The following PPFIA2 variants were observed in gnomAD, a reference collection of about 807,000 sequenced individuals.
PPFIA2 encodes the protein PPFI scaffold protein A2, also known as liprin-alpha-2.
PPFIA2 carries 46 observed loss-of-function variants against 175.5 expected under a neutral mutation model. The observed-to-expected ratio is 0.26, with a 90% confidence interval of 0.21 to 0.34. The LOEUF (loss-of-function observed/expected upper bound fraction) is 0.34. Among genes scored for constraint, PPFIA2 ranks in the 10% least tolerant of loss-of-function variants. The pLI is 1.00. For missense variants in PPFIA2, 1,179 were observed against 1,506.1 expected, an observed-to-expected ratio of 0.78 and a Z score of 3.60; for synonymous variants, 568 against 511.4, an observed-to-expected ratio of 1.11 and a Z score of -1.49.
intron 4 of PPFIA2, among the ~76,000 whole-genome samples, chr12:81,554,899 C>T (rs776927931): frequency 1.3e-5 from 2 of 152,014 alleles, no homozygotes; most frequent in African/African-American, 2.4e-5. Flanking sequence ...TCATTTCAAA[C>T]TCTCAGTAAC....
At chr12:81,711,803 G>A (rs2077965628) in intron 3 of PPFIA2, among the ~76,000 whole-genome samples, 1 of 149,090 alleles carries the variant, frequency 6.7e-6, no homozygotes. Flanking sequence ...TTAATTAGGA[G>A]GAATATTTCC....
chr12:81,447,332 G>GT (rs887869245), intron 5 of PPFIA2, among the ~76,000 whole-genome samples: 10 of 152,088 alleles, frequency 6.6e-5, no homozygotes, highest in Non-Finnish European at 1.5e-4. Flanking sequence ...AATAATGTCT[G>GT]TTTTTCCAGT....
intron 7 of PPFIA2, among the ~76,000 whole-genome samples, chr12:81,431,935 C>A (rs73157847): frequency 2.6e-3 from 392 of 152,264 alleles, no homozygotes; most frequent in Non-Finnish European, 4.0e-3. Context: ...TTCTCCAAGT[C>A]CATCTGGTGA....
At chr12:81,512,521 A>T (rs2061927095) in intron 4 of PPFIA2, 1 of 394,016 alleles carries the variant, frequency 2.5e-6, no homozygotes, top group Non-Finnish European at 4.4e-6. Context: ...AAAAATGTTT[A>T]ATTTCTAAAC....
intron 3 of PPFIA2, among the ~76,000 whole-genome samples, chr12:81,743,465 GA>G (rs2082620529): frequency 1.3e-5 from 1 of 79,354 alleles, no homozygotes; most frequent in Admixed American, 1.3e-4. Context: ...TAAAGGGAAA[GA>G]TAAATGGTGG....
intron 4 of PPFIA2, among the ~76,000 whole-genome samples, chr12:81,518,407 A>G (rs1430893745): frequency 3.3e-5 from 5 of 152,140 alleles, no homozygotes; most frequent in Non-Finnish European, 7.3e-5. Flanking sequence ...TACTCCCTCA[A>G]ATAGCCAAGA....
intron 8 of PPFIA2, among the ~76,000 whole-genome samples, chr12:81,399,994 A>C (rs748243007): frequency 1.3e-5 from 2 of 152,176 alleles, no homozygotes; most frequent in Non-Finnish European, 2.9e-5. Flanking sequence ...ATGAACACAA[A>C]AAAATGAACA....
chr12:81,278,012 T>C (rs983295155), intron 27 of PPFIA2, among the ~76,000 whole-genome samples: 2 of 151,998 alleles, frequency 1.3e-5, no homozygotes, highest in African/African-American at 4.8e-5. Flanking sequence ...CAGAGACAGG[T>C]TGACTCAGGA....
chr12:81,355,433 G>C (rs1229213764), intron 16 of PPFIA2, among the ~76,000 whole-genome samples: 1 of 151,384 alleles, frequency 6.6e-6, no homozygotes, highest in Non-Finnish European at 1.5e-5. Flanking sequence ...ATGAGCATTG[G>C]CTTCAGCTTA....
chr12:81,650,918 A>G (rs2066930007), intron 4 of PPFIA2, among the ~76,000 whole-genome samples: 2 of 152,240 alleles, frequency 1.3e-5, no homozygotes, highest in African/African-American at 4.8e-5. Flanking sequence ...CAGAAATAGA[A>G]CAGTTTTAAA....
At chr12:81,377,790 G>C (rs889083216) in intron 9 of PPFIA2, among the ~76,000 whole-genome samples, 1 of 152,076 alleles carries the variant, frequency 6.6e-6, no homozygotes, top group Non-Finnish European at 1.5e-5. Flanking sequence ...TACAAAGCCT[G>C]GAATAAAAGT....
intron 3 of PPFIA2, among the ~76,000 whole-genome samples, chr12:81,691,084 A>C (rs778381160): frequency 6.6e-6 from 1 of 152,122 alleles, no homozygotes; most frequent in Non-Finnish European, 1.5e-5. Context: ...CTGGGATATA[A>C]GATGCAGACA....
chr12:81,506,353 C>A (rs2061168813), intron 4 of PPFIA2, among the ~76,000 whole-genome samples: 1 of 152,194 alleles, frequency 6.6e-6, no homozygotes, highest in African/African-American at 2.4e-5. Flanking sequence ...AATCTTCCAT[C>A]AGCAGAATTA....
At chr12:81,641,901 A>G (rs908855234) in intron 4 of PPFIA2, among the ~76,000 whole-genome samples, 1 of 152,206 alleles carries the variant, frequency 6.6e-6, no homozygotes, top group African/African-American at 2.4e-5. Flanking sequence ...TGCTCTAGTC[A>G]AACTGAACTT....
rs71098155 is a variant in PPFIA2, at chr12:81,618,526, C to CT, written c.303+58264dup. On this transcript the variant is annotated intron_variant, in intron 4 of 32. Transcript: ENST00000549396. ...AAACCTGCTTTTGATACCCATGGCA[C>CT]TTTTTTTTTTTTTTTTTTTTGAGAT... is the stretch of plus-strand genomic sequence containing the variant. 7.4e-3 allele frequency among the ~76,000 whole-genome samples: 853 copies of CT among 114,666 alleles called. 9 individuals are homozygous for CT. The highest frequency in any genetic ancestry group is 0.02 in the East Asian group (79 of 4,020). 75.2% of individuals were successfully genotyped at this position (114,666 alleles called of 152,430 possible).
At chr12:81,681,593 A>T (rs971872803) in intron 3 of PPFIA2, among the ~76,000 whole-genome samples, 1 of 151,944 alleles carries the variant, frequency 6.6e-6, no homozygotes, top group African/African-American at 2.4e-5. Context: ...TGCTTCAAGA[A>T]TTGGCATATT....
intron 7 of PPFIA2, among the ~76,000 whole-genome samples, chr12:81,438,207 C>T (rs776694976): frequency 5.3e-5 from 8 of 152,100 alleles, no homozygotes; most frequent in South Asian, 4.1e-4. Flanking sequence ...CGGTGGCTCA[C>T]GCGTGTAATC....
chr12:81,297,211 AC>A (rs1456791487), intron 23 of PPFIA2, among the ~76,000 whole-genome samples: 1 of 152,140 alleles, frequency 6.6e-6, no homozygotes, highest in Non-Finnish European at 1.5e-5. Flanking sequence ...CCTGGCTGAT[AC>A]CTTGATTGCA....
chr12:81,528,680 T>C (rs1195626965), intron 4 of PPFIA2, among the ~76,000 whole-genome samples: 1 of 152,070 alleles, frequency 6.6e-6, no homozygotes, highest in African/African-American at 2.4e-5. Context: ...AGAAACAATC[T>C]ACAAATGTGT....
Sources: gnomAD v4.1 joint callset for allele counts (sites outside exome capture counted in the v4.1 genomes callset) on GRCh38, gnomAD v4.1.1 for gene constraint, MANE v1.5 for transcripts, NCBI Gene and HGNC (gene_info 2026-07-23, HGNC 2026-07-21) for gene names.